The following FRMPD4 variants were observed in gnomAD, a reference collection of about 807,000 sequenced individuals.
The protein encoded by FRMPD4 is FERM and PDZ domain containing 4.
In FRMPD4, 22 loss-of-function variants were observed where a neutral mutation model predicts 94.1. That is an observed-to-expected ratio of 0.23 (90% CI 0.17 to 0.33). The LOEUF (loss-of-function observed/expected upper bound fraction) is 0.33. Among genes scored for constraint, FRMPD4 ranks in the 10% least tolerant of loss-of-function variants. The probability of loss-of-function intolerance (pLI) is 1.00; values close to 1 mark genes in which losing one functional copy is unlikely to be tolerated. For missense variants in FRMPD4, 1,111 were observed against 1,339.9 expected (o/e 0.83, Z 2.67); for synonymous variants, 631 against 548.6 (o/e 1.15, Z -2.10).
chrX:12,283,457 G>A (rs912057610), intron 1 of FRMPD4, among the ~76,000 whole-genome samples: 1 of 112,126 alleles, frequency 8.9e-6, no homozygotes, highest in Non-Finnish European at 1.9e-5. Flanking sequence ...CTTAGACAAG[G>A]TCAGATGGTG....
intron 3 of FRMPD4, among the ~76,000 whole-genome samples, chrX:12,036,786 T>G (rs1382135163): frequency 8.9e-6 from 1 of 112,051 alleles, no homozygotes; most frequent in African/African-American, 3.2e-5. Context: ...ATTTTGTTAT[T>G]TATGCATGAT....
chrX:12,179,867 C>A (rs374750733), intron 1 of FRMPD4, among the ~76,000 whole-genome samples: 41 of 79,991 alleles, frequency 5.1e-4, no homozygotes, highest in African/African-American at 2.5e-3. Flanking sequence ...ATCTTGCTAA[C>A]CTAGCCTTTT....
chrX:12,529,719 G>C (rs1421491930), intron 2 of FRMPD4, among the ~76,000 whole-genome samples: 1 of 111,793 alleles, frequency 8.9e-6, no homozygotes, highest in East Asian at 2.8e-4. Flanking sequence ...ACAGAAAAGA[G>C]AGATGCCTTT....
intron 1 of FRMPD4, among the ~76,000 whole-genome samples, chrX:12,242,345 TA>T (rs918098527): frequency 9.9e-4 from 106 of 107,350 alleles, no homozygotes; most frequent in African/African-American, 3.2e-3. Flanking sequence ...TGACCTGTTC[TA>T]AAAAAAAAAT....
At chrX:11,864,477 A>G (rs980402062) in intron 1 of FRMPD4, among the ~76,000 whole-genome samples, 2 of 111,297 alleles carry the variant, frequency 1.8e-5, no homozygotes, top group Admixed American at 1.9e-4. Flanking sequence ...TTTGATTTGC[A>G]TGCACAATTG....
At position 12,722,475 on chromosome X, in the gene FRMPD4, G is replaced by T. The variant is rs1360837514; in HGVS notation, c.*617G>T. On this transcript the variant is annotated 3_prime_UTR_variant, in exon 17 of 17. Coordinates refer to ENST00000675598, the MANE Select transcript of FRMPD4 (RefSeq NM_001368397.1). ...ATATTTAATTTGGGTTTTTGCTACTGGGGCTACAAATTGGTGGGGATGGAT... is the reference window on the plus strand; with the variant it reads ...ATATTTAATTTGGGTTTTTGCTACTTGGGCTACAAATTGGTGGGGATGGAT... 1 of 111,393 alleles carries T rather than the reference G, an allele frequency of 9.0e-6. No homozygotes were observed. Among genetic ancestry groups the T allele is most frequent in the Non-Finnish European group, 1.9e-5 (1 of 53,075 alleles). The allele number at this position is 111,393 out of a possible 1,213,427, so 9.2% of individuals were successfully genotyped here. A position where few individuals can be genotyped will look rare whatever the true frequency, so the allele number is the denominator to read the frequency against.
chrX:12,348,138 TACAA>T (rs2055743926), intron 1 of FRMPD4, among the ~76,000 whole-genome samples: 1 of 112,051 alleles, frequency 8.9e-6, no homozygotes, highest in Non-Finnish European at 1.9e-5. Context: ...TATCATCACT[TACAA>T]ACAGTTACAA....
At chrX:12,127,103 A>G (rs2055507042) in intron 3 of FRMPD4, among the ~76,000 whole-genome samples, 2 of 111,949 alleles carry the variant, frequency 1.8e-5, no homozygotes, top group East Asian at 2.8e-4. Context: ...ATGCACTCCA[A>G]TTGAAATACT....
At chrX:12,440,037 G>T (rs1279491400) in intron 1 of FRMPD4, among the ~76,000 whole-genome samples, 1 of 111,680 alleles carries the variant, frequency 9.0e-6, no homozygotes, top group Non-Finnish European at 1.9e-5. Flanking sequence ...CCAAGCTTTA[G>T]TTTTTTTAAA....
intron 8 of FRMPD4, among the ~76,000 whole-genome samples, chrX:12,692,815 C>T (rs1416484026): frequency 2.7e-5 from 3 of 112,500 alleles, no homozygotes; most frequent in African/African-American, 9.7e-5. Context: ...TTCTAACACA[C>T]CAGGACAAAC....
At chrX:11,933,170 C>T (rs2054131500) in intron 3 of FRMPD4, among the ~76,000 whole-genome samples, 1 of 112,362 alleles carries the variant, frequency 8.9e-6, no homozygotes, top group African/African-American at 3.2e-5. Context: ...AGGTTCCAGC[C>T]CTAGATTCAT....
intron 1 of FRMPD4, among the ~76,000 whole-genome samples, chrX:11,861,138 A>G (rs764888260): frequency 6.2e-5 from 7 of 112,078 alleles, no homozygotes; most frequent in Non-Finnish European, 9.4e-5. Context: ...CAAGAGGCAT[A>G]TGCTCTAATA....
chrX:11,905,220 T>C (rs1235867355), intron 3 of FRMPD4, among the ~76,000 whole-genome samples: 2 of 112,020 alleles, frequency 1.8e-5, no homozygotes, highest in Non-Finnish European at 3.8e-5. Flanking sequence ...TTTGGAAGGA[T>C]ACCTCCTCCG....
chrX:12,219,328 C>T (rs190962918), intron 1 of FRMPD4, among the ~76,000 whole-genome samples: 12 of 111,054 alleles, frequency 1.1e-4, no homozygotes, highest in Admixed American at 1.9e-4. Context: ...ATGTTCACAC[C>T]GTCGCACCCC....
intron 4 of FRMPD4, among the ~76,000 whole-genome samples, chrX:12,639,977 G>A (rs1207529780): frequency 1.8e-5 from 2 of 111,515 alleles, no homozygotes; most frequent in Non-Finnish European, 3.8e-5. Context: ...CATTGGAGAG[G>A]AACACTTACA....
In FRMPD4 at chrX:12,722,631, A is replaced by T. The variant is rs1220008264; in HGVS notation, c.*773A>T. On this transcript the variant is annotated 3_prime_UTR_variant, in exon 17 of 17. Transcript: ENST00000675598. ...GAGTTATAGAATATCTCATTACATA[A>T]AATGTATGGAATTAATAATACCAAA... The T allele has an allele frequency of 1.8e-5, 2 of 111,761 alleles. No homozygotes were observed. The highest frequency in any genetic ancestry group is 5.6e-4 in the East Asian group (2 of 3,586). 9.2% of individuals were successfully genotyped at this position (111,761 alleles called of 1,213,427 possible).
At chrX:12,309,390 T>C (rs5979576) in intron 1 of FRMPD4, among the ~76,000 whole-genome samples, 43,375 of 111,330 alleles carry the variant, frequency 0.39, 6,218 homozygotes, top group Admixed American at 0.54. Context: ...TATGGTCTGT[T>C]TTCTTGCCTC....
intron 1 of FRMPD4, among the ~76,000 whole-genome samples, chrX:11,829,213 A>G (rs769091147): frequency 8.0e-5 from 9 of 112,143 alleles, no homozygotes; most frequent in Non-Finnish European, 1.7e-4. Flanking sequence ...TTGACCAAAC[A>G]TTTGGGTACC....
intron 3 of FRMPD4, among the ~76,000 whole-genome samples, chrX:11,945,502 T>C (rs749846120): frequency 1.8e-5 from 2 of 111,984 alleles, no homozygotes; most frequent in East Asian, 5.6e-4. Context: ...TTTGTGTTGC[T>C]ATAAAAGAAT....
Sources: gnomAD v4.1 joint callset for allele counts (sites outside exome capture counted in the v4.1 genomes callset) on GRCh38, gnomAD v4.1.1 for gene constraint, MANE v1.5 for transcripts, NCBI Gene and HGNC (gene_info 2026-07-23, HGNC 2026-07-21) for gene names.